Variants in TBCK observed in about 807,000 individuals in gnomAD.
TBCK encodes the protein TBC domain-containing protein kinase-like protein.
Under a neutral mutation model 113.4 loss-of-function variants are expected in TBCK, and 99 were observed. The ratio of observed to expected loss-of-function variants is 0.87; its 90% CI spans 0.74 to 1.03. The LOEUF (loss-of-function observed/expected upper bound fraction) is 1.03. Ranked by LOEUF, TBCK falls within the 50% of genes least tolerant of loss-of-function variation. The probability of loss-of-function intolerance (pLI) is 0.00; values close to 1 mark genes in which losing one functional copy is unlikely to be tolerated. For missense variants in TBCK, 1,045 were observed against 1,061.3 expected (o/e 0.98, Z 0.21); for synonymous variants, 369 against 370.8 (o/e 1.00, Z 0.05).
At chr4:106,265,465 G>C (rs1762909784) in intron 3 of TBCK, among the ~76,000 whole-genome samples, 1 of 151,662 alleles carries the variant, frequency 6.6e-6, no homozygotes, top group Admixed American at 6.6e-5. Context: ...TCTGTTTTAA[G>C]AGCATAATCT....
intron 23 of TBCK, among the ~76,000 whole-genome samples, chr4:106,170,698 A>C (rs1366823782): frequency 6.6e-6 from 1 of 152,030 alleles, no homozygotes; most frequent in Non-Finnish European, 1.5e-5. Flanking sequence ...ATGTTGAAAC[A>C]CCTACATGGC....
intron 25 of TBCK, among the ~76,000 whole-genome samples, chr4:106,069,503 T>C (rs1005988192): frequency 1.3e-5 from 2 of 152,122 alleles, no homozygotes; most frequent in Non-Finnish European, 1.5e-5. Context: ...TGTTAGTCTA[T>C]ATCTCTGTTT....
chr4:106,190,097 T>C (rs1207115567), intron 22 of TBCK, among the ~76,000 whole-genome samples: 2 of 152,218 alleles, frequency 1.3e-5, no homozygotes, highest in Non-Finnish European at 2.9e-5. Flanking sequence ...GGTCACAAAT[T>C]AGTAGCCTAC....
intron 3 of TBCK, among the ~76,000 whole-genome samples, chr4:106,291,853 A>G (rs778418708): frequency 2.6e-5 from 4 of 152,226 alleles, no homozygotes; most frequent in Non-Finnish European, 5.9e-5. Context: ...AACAGAGGAT[A>G]TTGAGGCACA....
intron 24 of TBCK, among the ~76,000 whole-genome samples, chr4:106,103,829 A>C (rs1159235405): frequency 2.0e-5 from 3 of 152,208 alleles, no homozygotes; most frequent in Non-Finnish European, 4.4e-5. Context: ...GGACTAATCA[A>C]GGAAACAACT....
At chr4:106,167,112 C>T (rs1012189815) in intron 23 of TBCK, among the ~76,000 whole-genome samples, 1 of 144,020 alleles carries the variant, frequency 6.9e-6, no homozygotes, top group Non-Finnish European at 1.5e-5. Context: ...GTATTATATA[C>T]ACACTGTATA....
rs10022339 is a variant in TBCK at position 106,174,744 on chromosome 4, G to A, written c.2060-3474C>T. Among the ~76,000 whole-genome samples the A allele has an allele frequency of 3.7e-3, 558 of 152,116 alleles. 3 individuals are homozygous for A. The highest frequency in any genetic ancestry group is 0.013 in the African/African-American group (530 of 41,506). On this transcript the variant is annotated intron_variant, in intron 22 of 25. Transcript: ENST00000394708. ...GTCATTTTGTTCTTACTTTCCACGT[G>A]TATTTTTGTTTCATACTCTGTGAGA...
chr4:106,065,051 AT>A (rs1362452363), intron 25 of TBCK, among the ~76,000 whole-genome samples: 1 of 152,044 alleles, frequency 6.6e-6, no homozygotes, highest in Admixed American at 6.6e-5. Flanking sequence ...TGCCATGGGT[AT>A]CAAAACAAAT....
At chr4:106,083,582 G>GTTT (rs1340705620) in intron 25 of TBCK, among the ~76,000 whole-genome samples, 17 of 152,260 alleles carry the variant, frequency 1.1e-4, no homozygotes, top group African/African-American at 3.9e-4. Context: ...CTAGAACAAG[G>GTTT]AATAAAGTAC....
intron 25 of TBCK, among the ~76,000 whole-genome samples, chr4:106,089,155 C>A (rs1457644790): frequency 6.6e-6 from 1 of 151,900 alleles, no homozygotes; most frequent in African/African-American, 2.4e-5. Context: ...ACAATCCTGA[C>A]AGAAGGCAAC....
intron 23 of TBCK, 100 bp downstream of exon 23, chr4:106,170,995 A>T (rs1320373975): frequency 4.8e-6 from 4 of 826,002 alleles, no homozygotes; most frequent in Non-Finnish European, 7.1e-6. Flanking sequence ...CATTAAAAGG[A>T]CATAAATGAC....
At chr4:106,150,325 C>T (rs1167561672) in intron 23 of TBCK, among the ~76,000 whole-genome samples, 2 of 152,012 alleles carry the variant, frequency 1.3e-5, no homozygotes, top group Non-Finnish European at 2.9e-5. Flanking sequence ...GAGATATTTT[C>T]CCCCATATGA....
intron 3 of TBCK, among the ~76,000 whole-genome samples, chr4:106,285,255 A>C (rs1764997156): frequency 6.6e-6 from 1 of 152,126 alleles, no homozygotes; most frequent in Admixed American, 6.5e-5. Flanking sequence ...ATAAAATACT[A>C]ACTTGATAAC....
intron 25 of TBCK, among the ~76,000 whole-genome samples, chr4:106,065,008 T>C (rs905279719): frequency 1.3e-5 from 2 of 151,984 alleles, no homozygotes; most frequent in Non-Finnish European, 2.9e-5. Context: ...AACTTTGACC[T>C]TATGTTAGAA....
intron 24 of TBCK, among the ~76,000 whole-genome samples, chr4:106,096,534 C>T (rs1039943213): frequency 6.6e-6 from 1 of 152,064 alleles, no homozygotes; most frequent in African/African-American, 2.4e-5. Context: ...ACAAATCTAT[C>T]CTGGTGAAAT....
chr4:106,164,959 T>A (rs1332551275), intron 23 of TBCK, among the ~76,000 whole-genome samples: 1 of 151,390 alleles, frequency 6.6e-6, no homozygotes, highest in Non-Finnish European at 1.5e-5. Flanking sequence ...TAATAGTATA[T>A]ACAAGCAGTT....
In TBCK at chr4:106,174,554, T is replaced by C. The variant is rs77674261; in HGVS notation, c.2060-3284A>G. 1.8e-4 allele frequency among the ~76,000 whole-genome samples: 28 copies of C among 152,292 alleles called. No individual in the cohort carries two copies. The East Asian group carries it at 5.4e-3, about 29-fold the overall frequency. On this transcript the variant is annotated intron_variant, in intron 22 of 25. Coordinates refer to ENST00000394708, the MANE Select transcript of TBCK (RefSeq NM_001163435.3). ...CCTGTATTATGAAATTTCATGGTGA[T>C]ATACTTACGCATATACTTCATTGTG...
At chr4:106,197,386 A>AGT (rs70941239) in intron 20 of TBCK, among the ~76,000 whole-genome samples, 8,134 of 118,762 alleles carry the variant, frequency 0.068, 355 homozygotes, top group Middle Eastern at 0.12. Context: ...AACATATCTG[A>AGT]GTGTGTGTGT....
intron 19 of TBCK, among the ~76,000 whole-genome samples, chr4:106,216,925 T>G (rs2149917970): frequency 6.6e-6 from 1 of 152,076 alleles, no homozygotes; most frequent in South Asian, 2.1e-4. Flanking sequence ...AAAAGAGAAT[T>G]TTAGACCAAT....
Sources: allele counts gnomAD v4.1 joint callset (sites outside exome capture counted in the v4.1 genomes callset), GRCh38; gene constraint gnomAD v4.1.1; transcripts MANE v1.5; gene names NCBI Gene and HGNC (gene_info 2026-07-23, HGNC 2026-07-21).